SSBP3: variants seen among roughly 807,000 people sequenced by gnomAD.
SSBP3 encodes the protein single stranded DNA binding protein 3, also known as single-stranded DNA-binding protein 3.
A neutral mutation model predicts 69.6 loss-of-function variants in SSBP3; 5 were observed. The observed-to-expected ratio is 0.07, with a 90% CI of 0.04 to 0.15. SSBP3 has a LOEUF of 0.15. SSBP3 is among the 10% of genes least tolerant of loss of function. The probability of loss-of-function intolerance (pLI) is 1.00; values close to 1 mark genes in which losing one functional copy is unlikely to be tolerated. For missense variants in SSBP3, 312 were observed against 534.0 expected (o/e 0.58, Z 4.10); for synonymous variants, 196 against 193.4 (o/e 1.01, Z -0.11).
At chr1:54,387,223 G>A (rs1648157698) in intron 4 of SSBP3, among the ~76,000 whole-genome samples, 2 of 152,144 alleles carry the variant, frequency 1.3e-5, no homozygotes, top group South Asian at 4.1e-4. Flanking sequence ...ATAGTTTCCA[G>A]GGCACTGGCC....
chr1:54,256,074 TAA>T (rs578238303), intron 7 of SSBP3, among the ~76,000 whole-genome samples: 19 of 141,792 alleles, frequency 1.3e-4, no homozygotes, highest in Admixed American at 3.5e-4. Flanking sequence ...AGACTCCGGT[TAA>T]AAAAAAAAAA....
upstream of SSBP3, among the ~76,000 whole-genome samples, chr1:54,406,968 C>T (rs1015302269): frequency 5.3e-5 from 8 of 152,082 alleles, no homozygotes; most frequent in Non-Finnish European, 8.8e-5. Flanking sequence ...GCCCGCCCCG[C>T]CCCCGGGCCT....
chr1:54,314,915 G>C (rs1360462734), intron 4 of SSBP3, among the ~76,000 whole-genome samples: 1 of 152,188 alleles, frequency 6.6e-6, no homozygotes. Flanking sequence ...TGATAAGCAG[G>C]AAAGGGGGAA....
chr1:54,390,632 C>T (rs758084313), intron 4 of SSBP3, among the ~76,000 whole-genome samples: 11 of 152,202 alleles, frequency 7.2e-5, no homozygotes, highest in Middle Eastern at 3.2e-3. Flanking sequence ...TTGGCTTCCC[C>T]GATGCTGAAA....
intron 1 of SSBP3, among the ~76,000 whole-genome samples, chr1:54,411,702 C>T (rs1649996112): frequency 6.6e-6 from 1 of 151,834 alleles, no homozygotes; most frequent in Non-Finnish European, 1.5e-5. Context: ...ACCATCCTGG[C>T]TAACACAGTG....
At chr1:54,298,326 T>C (rs1645738691) in intron 4 of SSBP3, among the ~76,000 whole-genome samples, 1 of 151,784 alleles carries the variant, frequency 6.6e-6, no homozygotes, top group African/African-American at 2.4e-5. Context: ...GAACCCAGAC[T>C]CACGAAGAGG....
intron 4 of SSBP3, among the ~76,000 whole-genome samples, chr1:54,384,941 T>C (rs1003712880): frequency 2.0e-5 from 3 of 152,204 alleles, no homozygotes; most frequent in Admixed American, 2.0e-4. Context: ...GGCCTCCAGT[T>C]GTCGACACAC....
chr1:54,319,518 G>A (rs1047139347), intron 4 of SSBP3, among the ~76,000 whole-genome samples: 6 of 152,098 alleles, frequency 3.9e-5, no homozygotes, highest in African/African-American at 1.4e-4. Context: ...GAAGCAGCAG[G>A]AGCCTCAGGA....
At chr1:54,327,916 A>G (rs1646338466) in intron 4 of SSBP3, among the ~76,000 whole-genome samples, 2 of 152,196 alleles carry the variant, frequency 1.3e-5, no homozygotes. Flanking sequence ...CTTTAAGCAC[A>G]TTTACATGCA....
intron 4 of SSBP3, among the ~76,000 whole-genome samples, chr1:54,369,218 C>CGGT (rs562400097): frequency 8.0e-6 from 1 of 124,690 alleles, no homozygotes; most frequent in African/African-American, 3.4e-5. Context: ...CCTCTTGAGT[C>CGGT]GGGGGGGGGG....
rs755833600 is a variant in SSBP3, at chr1:54,337,069, G to A, written c.277-55542C>T. Among the ~76,000 whole-genome samples the A allele has an allele frequency of 2.6e-5, 4 of 152,230 alleles. No homozygotes were observed. The East Asian group carries it at 7.7e-4, about 29-fold the overall frequency. On this transcript the variant is annotated intron_variant, in intron 4 of 17. Coordinates refer to ENST00000610401, the Ensembl canonical transcript of SSBP3. The stretch of plus-strand genomic sequence containing the variant: ...GCCCCAAGCCAACCAAGCAAAGTGC[G>A]CTGCCGCAGGTGAGACACACTGCTT...
chr1:54,242,261 T>C (rs1291991521), intron 10 of SSBP3, 49 bp from the exon 11 acceptor site: 1 of 1,608,220 alleles, frequency 6.2e-7, no homozygotes, highest in African/African-American at 1.3e-5. Flanking sequence ...CGCTGTAAAC[T>C]CCAAGCGGTG....
intron 4 of SSBP3, among the ~76,000 whole-genome samples, chr1:54,302,249 T>G (rs894235751): frequency 6.6e-6 from 1 of 152,048 alleles, no homozygotes; most frequent in African/African-American, 2.4e-5. Context: ...GCTTAGTTAG[T>G]GCAGGCAAGG....
At chr1:54,272,971 G>A (rs1645221461) in intron 5 of SSBP3, among the ~76,000 whole-genome samples, 1 of 152,200 alleles carries the variant, frequency 6.6e-6, no homozygotes. Context: ...AGAGGCCAGA[G>A]ACTCCTTCCC....
intron 4 of SSBP3, among the ~76,000 whole-genome samples, chr1:54,364,280 T>C (rs1426201666): frequency 1.3e-5 from 2 of 152,200 alleles, no homozygotes; most frequent in Admixed American, 6.5e-5. Flanking sequence ...TCTGGTCCTT[T>C]ATAGAAAAAG....
chr1:54,374,841 TAAA>T (rs1278871607), intron 4 of SSBP3, among the ~76,000 whole-genome samples: 1 of 152,172 alleles, frequency 6.6e-6, no homozygotes, highest in Non-Finnish European at 1.5e-5. Context: ...TGAACTTGCT[TAAA>T]AACATTCTTT....
chr1:54,272,428 C>T (rs1313344452), intron 5 of SSBP3, among the ~76,000 whole-genome samples: 5 of 151,412 alleles, frequency 3.3e-5, no homozygotes, highest in Admixed American at 3.3e-4. Context: ...CAGGATTCTG[C>T]TGGAATTCTC....
At chr1:54,356,795 C>T (rs1569920130) in intron 4 of SSBP3, 3 of 152,300 alleles carry the variant, frequency 2.0e-5, no homozygotes, top group Admixed American at 2.0e-4. Context: ...GGTGTCCACT[C>T]GCCTTCTCTC....
chr1:54,231,692 AT>A (rs1644381072), intron 14 of SSBP3, among the ~76,000 whole-genome samples: 1 of 151,936 alleles, frequency 6.6e-6, no homozygotes. Flanking sequence ...TTTATTTTTT[AT>A]TATTTTTTAA....
Sources: allele counts gnomAD v4.1 joint callset (sites outside exome capture counted in the v4.1 genomes callset), GRCh38; gene constraint gnomAD v4.1.1; transcripts MANE v1.5; gene names NCBI Gene and HGNC (gene_info 2026-07-23, HGNC 2026-07-21).